The following ZNF438 variants were observed in gnomAD, a reference collection of about 807,000 sequenced individuals.
ZNF438 encodes zinc finger protein 438.
ZNF438 carries 25 observed loss-of-function variants against 38.0 expected under a neutral mutation model. The observed-to-expected ratio is 0.66, with a 90% CI of 0.48 to 0.92. The LOEUF is 0.92. Among genes scored for constraint, ZNF438 ranks in the 40% least tolerant of loss-of-function variants. ZNF438 has a pLI of 0.00. For missense variants in ZNF438, 1,007 were observed against 999.6 expected, an observed-to-expected ratio of 1.01 and a Z score of -0.10; for synonymous variants, 372 against 364.1, an observed-to-expected ratio of 1.02 and a Z score of -0.25.
chr10:30,946,877 C>T (rs921060716), intron 1 of ZNF438, among the ~76,000 whole-genome samples: 3 of 152,064 alleles, frequency 2.0e-5, no homozygotes, highest in Non-Finnish European at 4.4e-5. Flanking sequence ...TATAAATATA[C>T]TTGTATCTTT....
intron 1 of ZNF438, chr10:30,984,390 G>C (rs2052546262): frequency 6.6e-6 from 1 of 152,076 alleles, no homozygotes; most frequent in African/African-American, 2.4e-5. Flanking sequence ...GGCTCCTGTA[G>C]AGTCATAAGA....
At chr10:30,947,986 C>T (rs925419582) in intron 1 of ZNF438, among the ~76,000 whole-genome samples, 10 of 152,152 alleles carry the variant, frequency 6.6e-5, no homozygotes, top group African/African-American at 1.9e-4. Context: ...GCATCGCTCA[C>T]GCTGGGAGCT....
rs182849542 is a variant in ZNF438 at position 30,881,032 on chromosome 10, T to A, written c.-31-3967A>T. 3.6e-4 allele frequency among the ~76,000 whole-genome samples: 55 copies of A among 152,266 alleles called. No homozygotes were observed. The South Asian group carries it at 0.011, about 29-fold the overall frequency. ...TATGAGAAACCTAAAGCTAAAATCA[T>A]GCTAAATAATGAAAGACTGAATGCT... On this transcript the variant is annotated intron_variant, in intron 3 of 5. Coordinates refer to ENST00000413025, the Ensembl canonical transcript of ZNF438.
intron 1 of ZNF438, among the ~76,000 whole-genome samples, chr10:30,993,593 G>T (rs1407162833): frequency 1.3e-5 from 2 of 152,242 alleles, no homozygotes; most frequent in Non-Finnish European, 2.9e-5. Flanking sequence ...GCAGAGACTT[G>T]TCAACAAGGG....
intron 3 of ZNF438, among the ~76,000 whole-genome samples, chr10:30,888,572 G>A (rs910033604): frequency 2.0e-5 from 3 of 152,054 alleles, no homozygotes; most frequent in African/African-American, 7.3e-5. Context: ...TTGTTCCCTT[G>A]TGTCCACGTG....
intron 1 of ZNF438, among the ~76,000 whole-genome samples, chr10:31,008,121 T>C (rs1023292424): frequency 1.3e-5 from 2 of 152,166 alleles, no homozygotes; most frequent in African/African-American, 4.8e-5. Flanking sequence ...TAAAGTTGAG[T>C]CATGGCATAA....
chr10:30,911,956 A>G (rs1603001), intron 2 of ZNF438, among the ~76,000 whole-genome samples: 118,866 of 151,880 alleles, frequency 0.78, 47,290 homozygotes, highest in African/African-American at 0.9. Flanking sequence ...ATTCTCTCCC[A>G]TTTTCCCAAC....
At chr10:30,902,148 G>A (rs931674754) in intron 3 of ZNF438, among the ~76,000 whole-genome samples, 2 of 152,120 alleles carry the variant, frequency 1.3e-5, no homozygotes, top group African/African-American at 4.8e-5. Flanking sequence ...TGCCATGGCT[G>A]GGACTGGCAG....
intron 3 of ZNF438, among the ~76,000 whole-genome samples, chr10:30,892,408 T>A (rs2040806716): frequency 6.6e-6 from 1 of 152,200 alleles, no homozygotes; most frequent in Non-Finnish European, 1.5e-5. Context: ...GTGGTCTCTA[T>A]CAAAACTCTA....
intron 1 of ZNF438, among the ~76,000 whole-genome samples, chr10:30,970,161 T>C (rs2050590822): frequency 1.3e-5 from 2 of 151,380 alleles, no homozygotes; most frequent in South Asian, 4.2e-4. Context: ...CACACACACA[T>C]ATATTAGGCC....
intron 3 of ZNF438, among the ~76,000 whole-genome samples, chr10:30,887,569 T>G (rs1019971791): frequency 3.9e-5 from 6 of 152,078 alleles, no homozygotes; most frequent in African/African-American, 1.4e-4. Flanking sequence ...TTTGTATTTT[T>G]AGTAGAGACG....
rs1252103132 is a variant in ZNF438 at position 30,867,705 on chromosome 10, T to TAGAA, written c.37+9289_37+9292dup. Among the ~76,000 whole-genome samples the TAGAA allele has an allele frequency of 8.5e-5, 13 of 152,316 alleles. No individual in the cohort carries two copies. In the East Asian group the frequency reaches 2.5e-3, roughly 29 times the overall value. On this transcript the variant is annotated intron_variant, in intron 4 of 5. Coordinates refer to ENST00000413025, the Ensembl canonical transcript of ZNF438. ...GTGAATGAGAATAGAAAATCACATC[T>TAGAA]AGAAATGTTTTACTTTTTGTTGTTA...
At chr10:30,956,459 T>A (rs971975778) in intron 1 of ZNF438, among the ~76,000 whole-genome samples, 2 of 152,200 alleles carry the variant, frequency 1.3e-5, no homozygotes, top group Admixed American at 1.3e-4. Flanking sequence ...TTGAAATATG[T>A]TATTATTAAC....
chr10:30,883,280 C>G lies in ZNF438; in HGVS notation c.-31-6215G>C, dbSNP rs375790072. ...TTTACTTCCTGTATTATAGTTGGTA[C>G]AAACTCTCTGGCAATGTGCATCCTG... On this transcript the variant is annotated intron_variant, in intron 3 of 5. Coordinates refer to ENST00000413025, the Ensembl canonical transcript of ZNF438. Among the ~76,000 whole-genome samples, 11 of 152,206 alleles carry G rather than the reference C, an allele frequency of 7.2e-5. No homozygotes were observed. The East Asian group carries it at 2.1e-3, about 29-fold the overall frequency.
intron 1 of ZNF438, among the ~76,000 whole-genome samples, chr10:31,031,585 G>C (rs1589792925): frequency 1.3e-5 from 2 of 152,200 alleles, no homozygotes; most frequent in East Asian, 3.9e-4. Context: ...TCCCAGGCTC[G>C]GAGACGCGCC....
exon 6 of ZNF438, chr10:30,844,889 A>G: frequency 6.5e-7 from 1 of 1,530,376 alleles, no homozygotes; most frequent in Non-Finnish European, 8.8e-7. Context: ...ACTAAGCACC[A>G]CCATAAAGCA....
At chr10:30,886,955 T>G (rs1036908661) in intron 3 of ZNF438, among the ~76,000 whole-genome samples, 1 of 152,244 alleles carries the variant, frequency 6.6e-6, no homozygotes, top group African/African-American at 2.4e-5. Flanking sequence ...TTATGATGAT[T>G]TGACATCTTA....
At chr10:30,947,381 G>A (rs1336904099) in intron 1 of ZNF438, among the ~76,000 whole-genome samples, 1 of 152,248 alleles carries the variant, frequency 6.6e-6, no homozygotes, top group Admixed American at 6.5e-5. Context: ...ATCTAGTAAA[G>A]GGAAGTGGAA....
At chr10:30,976,310 G>GT (rs1201917555) in intron 1 of ZNF438, among the ~76,000 whole-genome samples, 2 of 152,152 alleles carry the variant, frequency 1.3e-5, no homozygotes, top group Non-Finnish European at 2.9e-5. Flanking sequence ...TAAAATCCAA[G>GT]TATGTTCTAC....
Sources: gnomAD v4.1 joint callset for allele counts (sites outside exome capture counted in the v4.1 genomes callset) on GRCh38, gnomAD v4.1.1 for gene constraint, MANE v1.5 for transcripts, NCBI Gene and HGNC (gene_info 2026-07-23, HGNC 2026-07-21) for gene names.